The following GALK2 variants were observed in gnomAD, a reference collection of about 807,000 sequenced individuals.
The protein encoded by GALK2 is galactokinase 2.
In GALK2, 36 loss-of-function variants were observed where a neutral mutation model predicts 52.4. The observed-to-expected ratio is 0.69, with a 90% CI of 0.53 to 0.91. GALK2 has a LOEUF of 0.91. GALK2 is among the 40% of genes least tolerant of loss of function. GALK2 has a pLI of 0.00. For missense variants in GALK2, 579 were observed against 559.1 expected (o/e 1.04, Z -0.36); for synonymous variants, 176 against 199.1 (o/e 0.88, Z 0.98).
chr15:49,214,312 C>A (rs1263424116), intron 2 of GALK2, among the ~76,000 whole-genome samples: 3 of 150,030 alleles, frequency 2.0e-5, no homozygotes, highest in Non-Finnish European at 4.4e-5. Flanking sequence ...TTACCTTAAC[C>A]CCATTTCTTC....
intron 6 of GALK2, among the ~76,000 whole-genome samples, chr15:49,282,744 G>T (rs895229913): frequency 4.6e-5 from 7 of 152,162 alleles, no homozygotes; most frequent in African/African-American, 1.7e-4. Flanking sequence ...TTTTTCATCA[G>T]ATTCCTACAG....
chr15:49,224,272 T>C (rs1393254046), intron 3 of GALK2, among the ~76,000 whole-genome samples: 1 of 152,230 alleles, frequency 6.6e-6, no homozygotes, highest in African/African-American at 2.4e-5. Flanking sequence ...TTGTGAATAT[T>C]TTCTCTCATT....
chr15:49,362,615 CTTTAG>C (rs1483727396), intron 3 of GALK2, among the ~76,000 whole-genome samples: 2 of 152,132 alleles, frequency 1.3e-5, no homozygotes, highest in African/African-American at 4.8e-5. Context: ...CGCAGAAGGT[CTTTAG>C]TTTAATTAGG....
intron 8 of GALK2, among the ~76,000 whole-genome samples, chr15:49,298,307 G>A (rs1407597744): frequency 6.6e-6 from 1 of 152,032 alleles, no homozygotes; most frequent in Non-Finnish European, 1.5e-5. Context: ...TCAGTTCCAC[G>A]AGCCTTTGGG....
chr15:49,256,420 TC>T (rs1468217204), intron 5 of GALK2, among the ~76,000 whole-genome samples: 1 of 152,230 alleles, frequency 6.6e-6, no homozygotes, highest in Admixed American at 6.5e-5. Context: ...TTTAGCCTTT[TC>T]TTTCTTTCCA....
chr15:49,211,344 T>G (rs543001976), intron 2 of GALK2, among the ~76,000 whole-genome samples: 1 of 152,282 alleles, frequency 6.6e-6, no homozygotes, highest in Admixed American at 6.5e-5. Flanking sequence ...GACTTCATTG[T>G]TCATATTATT....
At chr15:49,287,110 G>A (rs2033453799) in intron 7 of GALK2, among the ~76,000 whole-genome samples, 1 of 152,210 alleles carries the variant, frequency 6.6e-6, no homozygotes, top group South Asian at 2.1e-4. Context: ...TTTGGAAGCA[G>A]TAGTAGCTGA....
At chr15:49,278,133 C>T (rs188755551) in intron 5 of GALK2, among the ~76,000 whole-genome samples, 31 of 151,978 alleles carry the variant, frequency 2.0e-4, no homozygotes, top group South Asian at 1.7e-3. Context: ...TGGTGGCGGG[C>T]GCCTGTAGTC....
At chr15:49,284,930 C>T (rs1478243564) in intron 7 of GALK2, among the ~76,000 whole-genome samples, 1 of 152,146 alleles carries the variant, frequency 6.6e-6, no homozygotes, top group East Asian at 1.9e-4. Flanking sequence ...TATCAGACTC[C>T]ACCTATTCTA....
At chr15:49,340,195 C>G (rs552878070) in intron 3 of GALK2, among the ~76,000 whole-genome samples, 1 of 152,326 alleles carries the variant, frequency 6.6e-6, no homozygotes, top group East Asian at 1.9e-4. Flanking sequence ...AGCTTGGTGT[C>G]TACCCAAACA....
chr15:49,224,050 A>T (rs2089985879), intron 3 of GALK2, among the ~76,000 whole-genome samples: 1 of 151,966 alleles, frequency 6.6e-6, no homozygotes, highest in African/African-American at 2.4e-5. Flanking sequence ...CCTTGCCAGC[A>T]TCTGTTTCTT....
At chr15:49,288,384 A>G (rs1201427721) in intron 7 of GALK2, among the ~76,000 whole-genome samples, 1 of 152,162 alleles carries the variant, frequency 6.6e-6, no homozygotes, top group Non-Finnish European at 1.5e-5. Context: ...CTTCAAGGAA[A>G]ATTTACAGTG....
chr15:49,191,620 T>G (rs2086728632), intron 1 of GALK2, among the ~76,000 whole-genome samples: 1 of 152,186 alleles, frequency 6.6e-6, no homozygotes, highest in Admixed American at 6.5e-5. Context: ...AGGCACATGA[T>G]GTATATGTCC....
At chr15:49,200,144 G>A (rs930358314) in intron 1 of GALK2, among the ~76,000 whole-genome samples, 1 of 152,104 alleles carries the variant, frequency 6.6e-6, no homozygotes, top group African/African-American at 2.4e-5. Flanking sequence ...ATTGACTTGA[G>A]ATAATTTGAG....
chr15:49,318,561 C>T (rs2036610888), intron 8 of GALK2, among the ~76,000 whole-genome samples: 3 of 152,024 alleles, frequency 2.0e-5, no homozygotes. Flanking sequence ...ATGAATATAG[C>T]ATAATTTTTA....
chr15:49,260,873 T>C (rs1436378780), intron 5 of GALK2, among the ~76,000 whole-genome samples: 2 of 152,170 alleles, frequency 1.3e-5, no homozygotes, highest in Non-Finnish European at 2.9e-5. Context: ...TATCAGATAG[T>C]TGTAGATATG....
intron 8 of GALK2, among the ~76,000 whole-genome samples, chr15:49,311,400 A>G (rs1299856746): frequency 6.6e-6 from 1 of 152,208 alleles, no homozygotes; most frequent in Non-Finnish European, 1.5e-5. Flanking sequence ...GCCTCAGCCC[A>G]TTGCTTTGAT....
intron 8 of GALK2, among the ~76,000 whole-genome samples, chr15:49,316,940 G>A (rs1351519298): frequency 2.6e-5 from 4 of 152,190 alleles, no homozygotes; most frequent in African/African-American, 9.7e-5. Flanking sequence ...ACTCACTGGT[G>A]TAGTCTATAC....
At chr15:49,293,967 G>T (rs2034194185) in intron 8 of GALK2, among the ~76,000 whole-genome samples, 1 of 151,954 alleles carries the variant, frequency 6.6e-6, no homozygotes, top group Non-Finnish European at 1.5e-5. Flanking sequence ...AGGCATGGTG[G>T]CAAGCACCTG....
Sources: gnomAD v4.1 joint callset for allele counts (sites outside exome capture counted in the v4.1 genomes callset) on GRCh38, gnomAD v4.1.1 for gene constraint, MANE v1.5 for transcripts, NCBI Gene and HGNC (gene_info 2026-07-23, HGNC 2026-07-21) for gene names.